The following EPHB1 variants were observed in gnomAD, a reference collection of about 807,000 sequenced individuals.
The protein encoded by EPHB1 is EPH receptor B1.
A neutral mutation model predicts 94.4 loss-of-function variants in EPHB1; 30 were observed. The observed-to-expected ratio is 0.32, with a 90% CI of 0.24 to 0.43. EPHB1 has a LOEUF of 0.43. Ranked by LOEUF, EPHB1 falls within the 20% of genes least tolerant of loss-of-function variation. The pLI is 1.00. For missense variants in EPHB1, 1,055 were observed against 1,308.3 expected, an observed-to-expected ratio of 0.81 and a Z score of 2.99; for synonymous variants, 522 against 489.1, an observed-to-expected ratio of 1.07 and a Z score of -0.89.
intron 1 of EPHB1, among the ~76,000 whole-genome samples, chr3:134,859,749 G>A (rs2037206046): frequency 6.6e-6 from 1 of 152,096 alleles, no homozygotes; most frequent in South Asian, 2.1e-4. Context: ...CCCTTTTCAG[G>A]TTAATGATTT....
rs1942757235 is a variant in EPHB1 at position 135,201,549 on chromosome 3, G to C, written c.2206G>C (p.Ala736Pro). 6.2e-7 allele frequency: 1 copy of C among 1,613,986 alleles called. No individual in the cohort carries two copies. Among genetic ancestry groups the C allele is most frequent in the Non-Finnish European group, 8.5e-7 (1 of 1,180,000 alleles). Reference protein sequence around the residue: ...RGIAAGMKYLAEMNYVHRDLA... With the variant: ...RGIAAGMKYLPEMNYVHRDLA... Reference sequence around the variant, plus strand: ...CATCGCTGCTGGCATGAAGTACCTGGCTGAGATGAATTATGTGCATCGGGA... The same window carrying C: ...CATCGCTGCTGGCATGAAGTACCTGCCTGAGATGAATTATGTGCATCGGGA... Residue 736 changes from alanine (A) to proline (P), a missense_variant, in exon 12 of 16, where the codon GCT (alanine) becomes CCT (proline). Coordinates refer to ENST00000398015, the MANE Select transcript of EPHB1 (RefSeq NM_004441.5).
intron 2 of EPHB1, among the ~76,000 whole-genome samples, chr3:134,939,194 T>G (rs1038857261): frequency 1.3e-5 from 2 of 152,192 alleles, no homozygotes; most frequent in African/African-American, 4.8e-5. Flanking sequence ...CCCCATCCCC[T>G]TGCTGTGATG....
intron 1 of EPHB1, among the ~76,000 whole-genome samples, chr3:134,830,938 C>T (rs977218406): frequency 6.6e-6 from 1 of 152,106 alleles, no homozygotes; most frequent in African/African-American, 2.4e-5. Flanking sequence ...TCAGCAAGGG[C>T]CTTGAGGAAG....
intron 3 of EPHB1, among the ~76,000 whole-genome samples, chr3:134,984,373 C>T (rs1188008843): frequency 6.6e-6 from 1 of 152,162 alleles, no homozygotes; most frequent in Non-Finnish European, 1.5e-5. Context: ...AGCCCCTCTC[C>T]ACAGCTTGAA....
intron 3 of EPHB1, among the ~76,000 whole-genome samples, chr3:135,062,461 CAT>C (rs542666779): frequency 2.8e-3 from 427 of 152,202 alleles, no homozygotes; most frequent in Non-Finnish European, 4.8e-3. Context: ...AGCATTTTTT[CAT>C]ATGTTTATTG....
At position 135,052,909 on chromosome 3, in the gene EPHB1, A is replaced by ATATATATATGTG. The variant is rs1217744067; in HGVS notation, c.806-53538_806-53537insATATATATGTGT. ...AAAAAAAATATATATATATATATAT[A>ATATATATATGTG]TGTGTGTGTGTGTGTGTGTGTGTAT... On this transcript the variant is annotated intron_variant, in intron 3 of 15. Coordinates refer to ENST00000398015, the MANE Select transcript of EPHB1 (RefSeq NM_004441.5). Among the ~76,000 whole-genome samples the ATATATATATGTG allele has an allele frequency of 3.7e-3, 255 of 68,752 alleles. 3 individuals are homozygous for ATATATATATGTG. Among genetic ancestry groups the ATATATATATGTG allele is most frequent in the South Asian group, 0.014 (22 of 1,628 alleles). 45.1% of individuals were successfully genotyped at this position (68,752 alleles called of 152,430 possible).
At chr3:134,870,637 A>T (rs1317532976) in intron 1 of EPHB1, among the ~76,000 whole-genome samples, 1 of 152,258 alleles carries the variant, frequency 6.6e-6, no homozygotes, top group African/African-American at 2.4e-5. Flanking sequence ...GCACAGCCTG[A>T]TATCAACTGT....
At chr3:135,128,671 T>C (rs553453754) in intron 4 of EPHB1, among the ~76,000 whole-genome samples, 14 of 152,348 alleles carry the variant, frequency 9.2e-5, no homozygotes, top group African/African-American at 3.4e-4. Flanking sequence ...CATTTATTTC[T>C]CTGTTTCCTT....
At chr3:135,096,862 C>T (rs1203883057) in intron 3 of EPHB1, among the ~76,000 whole-genome samples, 3 of 152,014 alleles carry the variant, frequency 2.0e-5, no homozygotes, top group Non-Finnish European at 4.4e-5. Context: ...CTTTGGGAGG[C>T]CAAGGGGGGC....
At chr3:135,080,384 G>A (rs1182326706) in intron 3 of EPHB1, among the ~76,000 whole-genome samples, 1 of 152,188 alleles carries the variant, frequency 6.6e-6, no homozygotes, top group African/African-American at 2.4e-5. Context: ...AAACTCTTAT[G>A]GTTAAGGACA....
At chr3:134,944,725 G>C (rs2039183368) in intron 2 of EPHB1, among the ~76,000 whole-genome samples, 1 of 152,012 alleles carries the variant, frequency 6.6e-6, no homozygotes, top group South Asian at 2.1e-4. Flanking sequence ...GGTGGTGGTG[G>C]CTGCAGTTGA....
intron 15 of EPHB1, among the ~76,000 whole-genome samples, chr3:135,256,714 G>T (rs1177158692): frequency 1.3e-5 from 2 of 152,076 alleles, no homozygotes; most frequent in Admixed American, 1.3e-4. Flanking sequence ...CTCTTCTCGA[G>T]GAGTATCTTT....
chr3:134,948,432 C>T (rs2039256390), intron 2 of EPHB1, among the ~76,000 whole-genome samples: 1 of 151,558 alleles, frequency 6.6e-6, no homozygotes, highest in Non-Finnish European at 1.5e-5. Context: ...AAAATTTGAT[C>T]TGAAACATTG....
intron 1 of EPHB1, among the ~76,000 whole-genome samples, chr3:134,909,060 T>G (rs1233284566): frequency 1.6e-5 from 2 of 128,264 alleles, no homozygotes; most frequent in Non-Finnish European, 1.6e-5. Flanking sequence ...GTGGAGCATA[T>G]AGAGCTCAGC....
chr3:134,909,687 G>A (rs1316993426), intron 1 of EPHB1, among the ~76,000 whole-genome samples: 3 of 152,198 alleles, frequency 2.0e-5, no homozygotes, highest in African/African-American at 4.8e-5. Context: ...TTTTCCTGAA[G>A]TCTGCTCTTT....
intron 3 of EPHB1, among the ~76,000 whole-genome samples, chr3:135,055,969 G>C (rs1027733994): frequency 2.6e-5 from 4 of 151,978 alleles, no homozygotes; most frequent in Non-Finnish European, 4.4e-5. Context: ...TTCCACCTGG[G>C]GGCTTCCCTC....
chr3:134,804,418 T>C (rs1343986561), intron 1 of EPHB1, among the ~76,000 whole-genome samples: 1 of 113,648 alleles, frequency 8.8e-6, no homozygotes, highest in African/African-American at 2.6e-5. Flanking sequence ...ATGGGAAATC[T>C]GGGAGCTACA....
chr3:134,952,103 G>A, intron 3 of EPHB1, 51 bp downstream of exon 3: 2 of 1,530,156 alleles, frequency 1.3e-6, no homozygotes, highest in Non-Finnish European at 1.8e-6. Flanking sequence ...GGCCAGATCT[G>A]CAAGGTTTCC....
chr3:135,125,530 A>G (rs982928981), intron 4 of EPHB1, among the ~76,000 whole-genome samples: 1 of 140,214 alleles, frequency 7.1e-6, no homozygotes, highest in Admixed American at 6.9e-5. Flanking sequence ...AGAGAAGGAG[A>G]GGAAGAGAGC....
Sources: allele counts gnomAD v4.1 joint callset (sites outside exome capture counted in the v4.1 genomes callset), GRCh38; gene constraint gnomAD v4.1.1; transcripts MANE v1.5; gene names NCBI Gene and HGNC (gene_info 2026-07-23, HGNC 2026-07-21).